The following EVI5 variants were observed in gnomAD, a reference collection of about 807,000 sequenced individuals.
The protein encoded by EVI5 is ecotropic viral integration site 5 protein homolog.
A neutral mutation model predicts 112.0 loss-of-function variants in EVI5; 73 were observed. The ratio of observed to expected loss-of-function variants is 0.65; its 90% confidence interval spans 0.54 to 0.79. The LOEUF is 0.79. EVI5 is among the 30% of genes least tolerant of loss of function. The pLI, the probability that EVI5 is intolerant of heterozygous loss-of-function variation, is 0.00. For missense variants in EVI5, 900 were observed against 968.8 expected (o/e 0.93, Z 0.94); for synonymous variants, 305 against 319.9 (o/e 0.95, Z 0.50).
chr1:92,709,412 A>C (rs955994150), intron 2 of EVI5, among the ~76,000 whole-genome samples: 6 of 152,188 alleles, frequency 3.9e-5, no homozygotes, highest in African/African-American at 1.4e-4. Flanking sequence ...GATAGTAAAA[A>C]TTCGGTGAGA....
intron 19 of EVI5, among the ~76,000 whole-genome samples, chr1:92,537,033 C>T (rs562133467): frequency 6.6e-6 from 1 of 152,204 alleles, no homozygotes; most frequent in Non-Finnish European, 1.5e-5. Flanking sequence ...GGAGGTTGCA[C>T]TGTGCAGACA....
Position 92,693,891 on chromosome 1 carries a change from T to C in EVI5, c.1008A>G (p.Gln336=). ...LDMEGMLQHF[Q]KVIPHQFDGV... ...CATCAAACTGATGTGGAATGACCTTTTGAAAGTGCTAAGATACAATTAAAA... is the reference window on the plus strand; with the variant it reads ...CATCAAACTGATGTGGAATGACCTTCTGAAAGTGCTAAGATACAATTAAAA... The change falls in exon 9 of 20, where the codon CAA becomes CAG. Residue 336 remains glutamine (Q), a synonymous_variant. Transcript: ENST00000684568. 1.3e-6 allele frequency: 2 copies of C among 1,575,966 alleles called. No individual in the cohort carries two copies. The highest frequency in any genetic ancestry group is 1.7e-5 in the Admixed American group (1 of 59,342).
chr1:92,775,948 A>C (rs1309098196), intron 1 of EVI5, among the ~76,000 whole-genome samples: 3 of 152,070 alleles, frequency 2.0e-5, no homozygotes, highest in Non-Finnish European at 4.4e-5. Flanking sequence ...TTCTACTAAA[A>C]ATATCAAAAA....
At chr1:92,547,182 G>C (rs1665871384) in intron 19 of EVI5, among the ~76,000 whole-genome samples, 1 of 152,136 alleles carries the variant, frequency 6.6e-6, no homozygotes, top group South Asian at 2.1e-4. Flanking sequence ...CTAGAACTCA[G>C]GATTAAGAAA....
At chr1:92,619,208 A>T (rs1240510541) in intron 16 of EVI5, among the ~76,000 whole-genome samples, 1 of 152,152 alleles carries the variant, frequency 6.6e-6, no homozygotes, top group Non-Finnish European at 1.5e-5. Flanking sequence ...ATCCACCCTT[A>T]GCTGATGGGC....
chr1:92,724,286 T>G (rs1675215502), intron 2 of EVI5, among the ~76,000 whole-genome samples: 1 of 152,104 alleles, frequency 6.6e-6, no homozygotes. Flanking sequence ...CTTTGTACTC[T>G]TTCTCTTTAT....
chr1:92,516,775 C>A (rs1659958937), intron 19 of EVI5, among the ~76,000 whole-genome samples: 1 of 151,992 alleles, frequency 6.6e-6, no homozygotes, highest in Non-Finnish European at 1.5e-5. Context: ...GCTATCTGAT[C>A]TAAATGATAT....
At chr1:92,616,329 C>T (rs553616617) in intron 16 of EVI5, among the ~76,000 whole-genome samples, 13 of 152,242 alleles carry the variant, frequency 8.5e-5, no homozygotes, top group Admixed American at 1.3e-4. Context: ...TGGTGGGAAC[C>T]GCAGTTACTC....
In EVI5 at chr1:92,711,175, T is replaced by C. The variant is rs148860817; in HGVS notation, c.150-6431A>G. ...GAAAGGGAAAAGAATGAGTTCTCTT[T>C]TGAGTATTTGGAGTTTGAAGTACTT... On this transcript the variant is annotated intron_variant, in intron 2 of 19. Transcript: ENST00000684568. Among the ~76,000 whole-genome samples, 70 of 152,328 alleles carry C rather than the reference T, an allele frequency of 4.6e-4. 1 individual carries two copies. In the East Asian group the frequency reaches 0.013, roughly 29 times the overall value.
rs908911030 is a variant in EVI5, at chr1:92,736,059, T to C, written c.149+339A>G. Among the ~76,000 whole-genome samples, 21 of 151,638 alleles carry C rather than the reference T, an allele frequency of 1.4e-4. 1 individual carries two copies. The highest frequency in any genetic ancestry group is 3.9e-4 in the Admixed American group (6 of 15,210). ...CTCTAAACCACAAATCAGATATCTA[T>C]ACTGGATTAAATTATTTTATGCTTT... On this transcript the variant is annotated intron_variant, in intron 2 of 19. Coordinates refer to ENST00000684568, the MANE Select transcript of EVI5 (RefSeq NM_001350197.2).
In EVI5 at chr1:92,558,108, C is replaced by T. The variant is rs148054290; in HGVS notation, c.2166+5534G>A. On this transcript the variant is annotated intron_variant, in intron 19 of 19. Transcript: ENST00000684568. ...GTTTAAAATCTGATTTAAATAACTA[C>T]GCTGAAATGATCCCTTCCTCCTTCT... Among the ~76,000 whole-genome samples the T allele has an allele frequency of 2.8e-3, 430 of 152,228 alleles. 6 individuals carry two copies. The highest frequency in any genetic ancestry group is 9.9e-3 in the African/African-American group (410 of 41,544).
chr1:92,632,074 C>T (rs974276756), intron 14 of EVI5, among the ~76,000 whole-genome samples: 4 of 152,124 alleles, frequency 2.6e-5, no homozygotes, highest in Admixed American at 1.3e-4. Context: ...CTGCTGGATT[C>T]GGTTTGCCAG....
At chr1:92,515,856 A>G (rs1304123859) in intron 19 of EVI5, among the ~76,000 whole-genome samples, 1 of 152,222 alleles carries the variant, frequency 6.6e-6, no homozygotes, top group African/African-American at 2.4e-5. Flanking sequence ...AACAAGAATC[A>G]GCAGGGATGC....
intron 10 of EVI5, among the ~76,000 whole-genome samples, chr1:92,676,939 C>T (rs1213626083): frequency 6.6e-6 from 1 of 152,128 alleles, no homozygotes; most frequent in Non-Finnish European, 1.5e-5. Flanking sequence ...TGATGAGCCA[C>T]CAACAAATCT....
chr1:92,520,752 G>C (rs1660760384), intron 19 of EVI5, among the ~76,000 whole-genome samples: 1 of 151,756 alleles, frequency 6.6e-6, no homozygotes, highest in Non-Finnish European at 1.5e-5. Context: ...TCAGGAAGCT[G>C]AGGTGGGAGG....
chr1:92,541,394 A>G (rs1191352910), intron 19 of EVI5, among the ~76,000 whole-genome samples: 2 of 152,228 alleles, frequency 1.3e-5, no homozygotes, highest in East Asian at 1.9e-4. Flanking sequence ...AACATGCTCA[A>G]TATCATTAGC....
At chr1:92,770,423 C>T (rs1400750570) in intron 1 of EVI5, among the ~76,000 whole-genome samples, 3 of 152,116 alleles carry the variant, frequency 2.0e-5, no homozygotes, top group Non-Finnish European at 2.9e-5. Context: ...CACATGTGTA[C>T]GTTTCTCTAG....
At chr1:92,597,074 T>G (rs910972221) in intron 18 of EVI5, among the ~76,000 whole-genome samples, 1 of 152,136 alleles carries the variant, frequency 6.6e-6, no homozygotes, top group Non-Finnish European at 1.5e-5. Context: ...ATTAAAAAAC[T>G]TGTCAAAGAT....
At chr1:92,786,090 C>A (rs80258046), upstream of EVI5, among the ~76,000 whole-genome samples, 76 of 144,500 alleles carry the variant, frequency 5.3e-4, no homozygotes, top group South Asian at 6.6e-4. Flanking sequence ...TACTCTGTCT[C>A]AAAAAAAAAA....
Sources: allele counts gnomAD v4.1 joint callset (sites outside exome capture counted in the v4.1 genomes callset), GRCh38; gene constraint gnomAD v4.1.1; transcripts MANE v1.5; gene names NCBI Gene and HGNC (gene_info 2026-07-23, HGNC 2026-07-21).